STAC: variants seen among roughly 807,000 people sequenced by gnomAD.
The protein encoded by STAC is SH3 and cysteine-rich domain-containing protein.
Under a neutral mutation model 48.8 loss-of-function variants are expected in STAC, and 43 were observed. That is an observed-to-expected ratio of 0.88 (90% CI 0.69 to 1.14). STAC has a LOEUF of 1.14. Among genes scored for constraint, STAC ranks in the 50% most tolerant of loss-of-function variants. STAC has a pLI of 0.00. For missense variants in STAC, 497 were observed against 504.0 expected (o/e 0.99, Z 0.13); for synonymous variants, 193 against 179.5 (o/e 1.07, Z -0.60).
chr3:36,505,525 A>C (rs1698380842), intron 7 of STAC, among the ~76,000 whole-genome samples: 1 of 152,190 alleles, frequency 6.6e-6, no homozygotes, highest in Non-Finnish European at 1.5e-5. Context: ...AAAGAGTTCC[A>C]AATAATTGTT....
intron 8 of STAC, among the ~76,000 whole-genome samples, chr3:36,515,715 G>A (rs1291176971): frequency 6.6e-6 from 1 of 152,130 alleles, no homozygotes; most frequent in Non-Finnish European, 1.5e-5. Flanking sequence ...CAGGTAGGTG[G>A]AGGGATGCTT....
chr3:36,470,499 G>T (rs1294669785), intron 2 of STAC, among the ~76,000 whole-genome samples: 1 of 152,216 alleles, frequency 6.6e-6, no homozygotes, highest in African/African-American at 2.4e-5. Flanking sequence ...CTGAGTCCTT[G>T]GTTATGTTTC....
chr3:36,411,571 G>C (rs1025727293), intron 1 of STAC, among the ~76,000 whole-genome samples: 2 of 152,178 alleles, frequency 1.3e-5, no homozygotes, highest in African/African-American at 4.8e-5. Flanking sequence ...AGGAAAGGCA[G>C]GGAGTATTTT....
chr3:36,384,950 G>T (rs997019300), intron 1 of STAC, among the ~76,000 whole-genome samples: 1 of 152,124 alleles, frequency 6.6e-6, no homozygotes, highest in African/African-American at 2.4e-5. Flanking sequence ...ATACATATAT[G>T]TGAAGCTGTT....
chr3:36,397,619 C>T (rs7614787), intron 1 of STAC, among the ~76,000 whole-genome samples: 3,545 of 152,142 alleles, frequency 0.023, 60 homozygotes, highest in East Asian at 0.026. Flanking sequence ...CAAGAAAGAA[C>T]ATGATGTAAA....
At chr3:36,464,967 C>A (rs1001361539) in intron 2 of STAC, among the ~76,000 whole-genome samples, 2 of 151,990 alleles carry the variant, frequency 1.3e-5, no homozygotes, top group African/African-American at 4.8e-5. Context: ...GACTTTTCCT[C>A]AGGGTAAATA....
chr3:36,536,286 C>T (rs1338035673), intron 10 of STAC, among the ~76,000 whole-genome samples: 1 of 152,042 alleles, frequency 6.6e-6, no homozygotes. Flanking sequence ...CCTGTATAGA[C>T]AAGGCAACCT....
chr3:36,448,527 C>T (rs184004124), intron 2 of STAC, among the ~76,000 whole-genome samples: 6 of 152,134 alleles, frequency 3.9e-5, no homozygotes, highest in African/African-American at 1.4e-4. Context: ...AGCCTGGTCA[C>T]GGAATTTTAA....
intron 2 of STAC, among the ~76,000 whole-genome samples, chr3:36,478,559 A>G (rs1697554371): frequency 6.6e-6 from 1 of 152,134 alleles, no homozygotes; most frequent in Admixed American, 6.5e-5. Flanking sequence ...CAGTGGCACA[A>G]TCTCAGCTCA....
Position 36,380,584 on chromosome 3 carries a change from G to A in STAC, c.-60G>A. On this transcript the variant is annotated 5_prime_UTR_variant, in exon 1 of 11. Coordinates refer to ENST00000273183, the MANE Select transcript of STAC (RefSeq NM_003149.3). ...CAGCCTGGCGCGCGGCGGGCAGGGC[G>A]CGCAGGACAGAAGCCTCGCTGTTCC... is the stretch of plus-strand genomic sequence containing the variant. 1 of 1,368,924 alleles carries A rather than the reference G, an allele frequency of 7.3e-7. No homozygotes were observed. Among genetic ancestry groups the A allele is most frequent in the Non-Finnish European group, 1.0e-6 (1 of 983,924 alleles). The allele number at this position is 1,368,924 out of a possible 1,614,324, so 84.8% of individuals were successfully genotyped here. A position where few individuals can be genotyped will look rare whatever the true frequency, so the allele number is the denominator to read the frequency against.
intron 2 of STAC, among the ~76,000 whole-genome samples, chr3:36,447,266 G>GA (rs1179489305): frequency 2.0e-5 from 3 of 151,466 alleles, no homozygotes; most frequent in Non-Finnish European, 3.0e-5. Context: ...CAGCTCCCTG[G>GA]AAAAAAAAGG....
intron 1 of STAC, among the ~76,000 whole-genome samples, chr3:36,432,872 G>C (rs977688220): frequency 6.6e-6 from 1 of 152,134 alleles, no homozygotes; most frequent in Non-Finnish European, 1.5e-5. Context: ...TAATAGTACT[G>C]CCTCATAGGG....
chr3:36,453,206 C>G (rs1035048668), intron 2 of STAC, among the ~76,000 whole-genome samples: 5 of 152,276 alleles, frequency 3.3e-5, no homozygotes, highest in Non-Finnish European at 5.9e-5. Context: ...CCCTTGCTCG[C>G]TCCCGGCGCC....
intron 2 of STAC, among the ~76,000 whole-genome samples, chr3:36,474,840 G>A (rs1373758059): frequency 6.6e-6 from 1 of 152,140 alleles, no homozygotes; most frequent in Non-Finnish European, 1.5e-5. Flanking sequence ...AAGCGAGGAA[G>A]CATCCAGGAA....
At chr3:36,480,810 T>G (rs1490667396) in intron 2 of STAC, among the ~76,000 whole-genome samples, 4 of 151,930 alleles carry the variant, frequency 2.6e-5, no homozygotes, top group Non-Finnish European at 5.9e-5. Context: ...CTGCTTCAGT[T>G]CATGAGTGAC....
In STAC at chr3:36,505,726, T is replaced by G. The variant is rs1425125507; in HGVS notation, c.832-20T>G. The G allele has an allele frequency of 1.1e-5, 17 of 1,504,424 alleles. No homozygotes were observed. The highest frequency in any genetic ancestry group is 1.5e-5 in the Non-Finnish European group (17 of 1,097,732). The allele number at this position is 1,504,424 out of a possible 1,614,324, so 93.2% of individuals were successfully genotyped here. On this transcript the variant is annotated intron_variant, in intron 7 of 10. Coordinates refer to ENST00000273183, the MANE Select transcript of STAC (RefSeq NM_003149.3). ...TATTTCACCTTTCTTTTCTCATTTT[T>G]CTTTTATTTTCTCTTTCAGGGATCT...
intron 1 of STAC, among the ~76,000 whole-genome samples, chr3:36,413,503 T>C (rs58709363): frequency 0.071 from 10,814 of 151,942 alleles, 565 homozygotes; most frequent in African/African-American, 0.15. Context: ...CAACCCCTGC[T>C]TTTTTTTGTT....
chr3:36,545,785 G>A (rs1470898402), intron 10 of STAC, among the ~76,000 whole-genome samples: 1 of 152,162 alleles, frequency 6.6e-6, no homozygotes, highest in Non-Finnish European at 1.5e-5. Flanking sequence ...GCACATGACA[G>A]GAGTCTGCTG....
intron 1 of STAC, among the ~76,000 whole-genome samples, chr3:36,399,611 G>C (rs936048819): frequency 6.6e-6 from 1 of 152,148 alleles, no homozygotes; most frequent in African/African-American, 2.4e-5. Context: ...ATGGAGGACA[G>C]GTGGCCCAGC....
Sources: gnomAD v4.1 joint callset for allele counts (sites outside exome capture counted in the v4.1 genomes callset) on GRCh38, gnomAD v4.1.1 for gene constraint, MANE v1.5 for transcripts, NCBI Gene and HGNC (gene_info 2026-07-23, HGNC 2026-07-21) for gene names.